USP33: variants seen among roughly 807,000 people sequenced by gnomAD.
The protein encoded by USP33 is ubiquitin specific peptidase 33.
Under a neutral mutation model 124.2 loss-of-function variants are expected in USP33, and 46 were observed. The observed-to-expected ratio is 0.37, with a 90% CI of 0.29 to 0.47. The LOEUF is 0.47. USP33 is among the 20% of genes least tolerant of loss of function. USP33 has a pLI of 0.99. For synonymous variants in USP33, 350 were observed against 352.3 expected, an observed-to-expected ratio of 0.99 and a Z score of 0.07; for missense variants, 851 against 1,070.6, an observed-to-expected ratio of 0.79 and a Z score of 2.86.
intron 9 of USP33, among the ~76,000 whole-genome samples, chr1:77,729,349 T>C (rs1190196825): frequency 7.6e-6 from 1 of 132,208 alleles, no homozygotes; most frequent in Non-Finnish European, 1.6e-5. Flanking sequence ...CAGGGCAACA[T>C]AATGAGACAT....
Position 77,730,747 on chromosome 1 carries a change from GA to G in USP33, c.525-17del. 1 of 1,544,018 alleles carries G rather than the reference GA, an allele frequency of 6.5e-7. No homozygotes were observed. Among genetic ancestry groups the G allele is most frequent in the Non-Finnish European group, 8.8e-7 (1 of 1,140,870 alleles). ...CAAAGGTGGGCTAATTTTAAAAAGA[GA>G]AAAATGTTAGAGTGGAGTCAAAGCT... is the stretch of plus-strand genomic sequence containing the variant. On this transcript the variant is annotated splice_polypyrimidine_tract_variant and intron_variant, in intron 7 of 23. Transcript: ENST00000370794.
chr1:77,701,337 A>G, intron 22 of USP33, 32 bp downstream of exon 22: 2 of 1,502,272 alleles, frequency 1.3e-6, no homozygotes, highest in Non-Finnish European at 9.1e-7. Flanking sequence ...CAAATAATTT[A>G]CCAAAAAAAA....
chr1:77,701,523 C>T, intron 21 of USP33, 52 bp from the exon 22 acceptor site: 2 of 1,379,148 alleles, frequency 1.5e-6, no homozygotes, highest in Non-Finnish European at 2.0e-6. Context: ...TGCTTTATGG[C>T]AAAACAATAC....
chr1:77,753,668 G>C (rs958937705), intron 1 of USP33, among the ~76,000 whole-genome samples: 10 of 151,784 alleles, frequency 6.6e-5, no homozygotes, highest in Non-Finnish European at 1.0e-4. Context: ...CTGGAGCAAG[G>C]CTCCACTATC....
At chr1:77,747,616 C>T (rs1005288388) in intron 1 of USP33, among the ~76,000 whole-genome samples, 1 of 152,136 alleles carries the variant, frequency 6.6e-6, no homozygotes, top group African/African-American at 2.4e-5. Flanking sequence ...CTGTTATTAA[C>T]TTTCTTATGG....
chr1:77,725,680 C>T lies in USP33; in HGVS notation c.1218G>A (p.Ser406=), dbSNP rs1044403599. ...PSNEGVNPRL[S]ASPPKSGNLW... is the part of the protein sequence containing the mutation. ...AATTGCCTGATTTAGGAGGGCTTGCCGATAAACGTGGATTAACACCTTCAT... is the reference window on the plus strand; with the variant it reads ...AATTGCCTGATTTAGGAGGGCTTGCTGATAAACGTGGATTAACACCTTCAT... The change falls in exon 11 of 24, where the codon TCG becomes TCA. Residue 406 remains serine, a synonymous_variant. Coordinates refer to ENST00000370794, the MANE Select transcript of USP33 (RefSeq NM_201624.3). The T allele has an allele frequency of 5.6e-6, 9 of 1,613,886 alleles. No homozygotes were observed. The highest frequency in any genetic ancestry group is 2.2e-5 in the East Asian group (1 of 44,886).
rs571302126 is a variant in USP33, at chr1:77,724,595, CAT to C, written c.1276+1025_1276+1026del. Among the ~76,000 whole-genome samples the C allele has an allele frequency of 2.4e-3, 369 of 152,212 alleles. 2 individuals carry two copies. The highest frequency in any genetic ancestry group is 8.6e-3 in the African/African-American group (358 of 41,530). On this transcript the variant is annotated intron_variant, in intron 11 of 23. Transcript: ENST00000370794. ...AATACAACTATAAGCATTAAACAAA[CAT>C]AAAACCCAGTAACCCCACTTCTAGG...
chr1:77,731,853 C>T lies in USP33; in HGVS notation c.525-1122G>A, dbSNP rs564227414. ...GCATGGTTGGTCATGCCTGTAATTC[C>T]AATACTTTGGGAGGCCAAGGCAGGA... is the stretch of plus-strand genomic sequence containing the variant. On this transcript the variant is annotated intron_variant, in intron 7 of 23. Transcript: ENST00000370794. Among the ~76,000 whole-genome samples, 4 of 152,128 alleles carry T rather than the reference C, an allele frequency of 2.6e-5. No homozygotes were observed. The South Asian group carries it at 8.3e-4, about 32-fold the overall frequency.
At chr1:77,748,764 G>A (rs1490514137) in intron 1 of USP33, among the ~76,000 whole-genome samples, 1 of 140,590 alleles carries the variant, frequency 7.1e-6, no homozygotes, top group African/African-American at 2.7e-5. Flanking sequence ...TTCTTTTTTG[G>A]CAGCATTCCT....
intron 20 of USP33, among the ~76,000 whole-genome samples, chr1:77,712,910 G>A (rs1675431296): frequency 6.6e-6 from 1 of 152,264 alleles, no homozygotes; most frequent in Middle Eastern, 3.4e-3. Flanking sequence ...TCAATTGTGT[G>A]AGTATATACA....
chr1:77,736,019 G>C (rs754978085), intron 6 of USP33, 37 bp downstream of exon 6: 12 of 1,437,334 alleles, frequency 8.3e-6, no homozygotes, highest in Middle Eastern at 3.5e-4. Context: ...GAAATGGGCA[G>C]TGCCATACAA....
At chr1:77,738,066 CA>C (rs1472874427) in intron 5 of USP33, among the ~76,000 whole-genome samples, 1 of 152,122 alleles carries the variant, frequency 6.6e-6, no homozygotes, top group African/African-American at 2.4e-5. Flanking sequence ...GTGGGAGAAA[CA>C]GTAATGGTTA....
At chr1:77,703,687 C>T (rs1308472009) in intron 21 of USP33, among the ~76,000 whole-genome samples, 1 of 152,112 alleles carries the variant, frequency 6.6e-6, no homozygotes, top group Non-Finnish European at 1.5e-5. Context: ...AATCTTGGTG[C>T]CTCTAATTCT....
At position 77,741,699 on chromosome 1, in the gene USP33, T is replaced by C. The variant is rs143500016; in HGVS notation, c.-2A>G. 22 of 1,605,128 alleles carry C rather than the reference T, an allele frequency of 1.4e-5. No individual in the cohort carries two copies. The highest frequency in any genetic ancestry group is 1.1e-4 in the African/African-American group (8 of 74,800). Reference sequence around the variant, plus strand: ...ACAATGATTTCGAAAAGCTGACATTTTGTTAGGAATTTTTTCCTGTTTCCC... The same window carrying C: ...ACAATGATTTCGAAAAGCTGACATTCTGTTAGGAATTTTTTCCTGTTTCCC... On this transcript the variant is annotated 5_prime_UTR_variant, in exon 2 of 24. Transcript: ENST00000370794.
intron 21 of USP33, among the ~76,000 whole-genome samples, chr1:77,709,616 TTCTC>T (rs776300273): frequency 7.5e-4 from 113 of 151,236 alleles, no homozygotes; most frequent in Non-Finnish European, 1.3e-3. Context: ...ATAGAACATA[TTCTC>T]TCTCTATATA....
intron 1 of USP33, among the ~76,000 whole-genome samples, chr1:77,747,523 G>A (rs1057316067): frequency 3.3e-5 from 5 of 152,056 alleles, no homozygotes; most frequent in Admixed American, 2.6e-4. Context: ...CTCCCAAAGC[G>A]CTGGGATTAT....
In USP33 at chr1:77,729,847, G is replaced by C; in HGVS notation, c.717+13C>G. On this transcript the variant is annotated intron_variant, in intron 9 of 23. Coordinates refer to ENST00000370794, the MANE Select transcript of USP33 (RefSeq NM_201624.3). ...TTTAGATTAAAATTACAAATGAAAA[G>C]CAATAAACTAACCTGCTGAGAATAC... The C allele has an allele frequency of 1.2e-6, 2 of 1,607,682 alleles. No individual in the cohort carries two copies. Among genetic ancestry groups the C allele is most frequent in the Non-Finnish European group, 8.5e-7 (1 of 1,177,724 alleles).
At chr1:77,727,220 T>C (rs897379477) in intron 10 of USP33, among the ~76,000 whole-genome samples, 1 of 152,220 alleles carries the variant, frequency 6.6e-6, no homozygotes, top group Admixed American at 6.5e-5. Context: ...CCTTACAGAC[T>C]TCGCCAGATT....
At chr1:77,709,898 C>CAT (rs1262312007) in intron 21 of USP33, among the ~76,000 whole-genome samples, 14 of 151,660 alleles carry the variant, frequency 9.2e-5, no homozygotes, top group African/African-American at 3.4e-4. Flanking sequence ...CACACACACA[C>CAT]ACACACACAC....
Sources: gnomAD v4.1 joint callset for allele counts (sites outside exome capture counted in the v4.1 genomes callset) on GRCh38, gnomAD v4.1.1 for gene constraint, MANE v1.5 for transcripts, NCBI Gene and HGNC (gene_info 2026-07-23, HGNC 2026-07-21) for gene names.